TMTC2: variants seen among roughly 807,000 people sequenced by gnomAD.
The protein encoded by TMTC2 is transmembrane O-mannosyltransferase targeting cadherins 2.
TMTC2 carries 43 observed loss-of-function variants against 82.4 expected under a neutral mutation model. The ratio of observed to expected loss-of-function variants is 0.52; its 90% CI spans 0.41 to 0.67. TMTC2 has a LOEUF of 0.67. Ranked by LOEUF, TMTC2 falls within the 30% of genes least tolerant of loss-of-function variation. The pLI is 0.00. For synonymous variants in TMTC2, 408 were observed against 381.9 expected (o/e 1.07, Z -0.80); for missense variants, 919 against 1,012.4 (o/e 0.91, Z 1.25).
chr12:82,697,398 G>T (rs1157289751), intron 1 of TMTC2, among the ~76,000 whole-genome samples: 1 of 150,094 alleles, frequency 6.7e-6, no homozygotes, highest in African/African-American at 2.5e-5. Flanking sequence ...TTATTCCCAC[G>T]TACAGCAGAT....
At chr12:82,782,764 G>T in intron 1 of TMTC2, among the ~76,000 whole-genome samples, 1 of 152,142 alleles carries the variant, frequency 6.6e-6, no homozygotes, top group East Asian at 1.9e-4. Flanking sequence ...CAATGTGGAT[G>T]GCTATTTGTG....
intron 2 of TMTC2, among the ~76,000 whole-genome samples, chr12:82,860,123 G>A (rs11115462): frequency 0.013 from 2,033 of 152,090 alleles, 45 homozygotes; most frequent in African/African-American, 0.046. Context: ...ACAGGCATGC[G>A]TCACCAGGCC....
chr12:82,785,951 T>C (rs1408790468), intron 1 of TMTC2, among the ~76,000 whole-genome samples: 2 of 152,146 alleles, frequency 1.3e-5, no homozygotes, highest in Admixed American at 6.6e-5. Context: ...AAGACTACTT[T>C]GTTTTGTGTC....
intron 11 of TMTC2, among the ~76,000 whole-genome samples, chr12:83,122,580 C>T (rs1041385221): frequency 6.6e-6 from 1 of 152,150 alleles, no homozygotes; most frequent in Non-Finnish European, 1.5e-5. Flanking sequence ...CTCCCGTAAT[C>T]AAGATTTTCA....
intron 8 of TMTC2, among the ~76,000 whole-genome samples, chr12:83,000,238 A>C (rs1879857854): frequency 6.6e-6 from 1 of 151,966 alleles, no homozygotes; most frequent in South Asian, 2.1e-4. Context: ...TAGTTCAAGC[A>C]ATTCTCCTGC....
chr12:82,859,927 G>T (rs1446343570), intron 2 of TMTC2, among the ~76,000 whole-genome samples: 1 of 152,182 alleles, frequency 6.6e-6, no homozygotes, highest in Non-Finnish European at 1.5e-5. Context: ...TGGGGCCAAT[G>T]AGCTTAATAA....
rs1035077515 is a variant in TMTC2 at position 82,687,253 on chromosome 12, G to A, written c.-334G>A. On this transcript the variant is annotated 5_prime_UTR_variant, in exon 1 of 12. Transcript: ENST00000321196. ...CCTAGGACGCCCCAAACTGCCATGG[G>A]TTAGGGTGGGGATCGCGACCCGCGC... The A allele has an allele frequency of 2.0e-5, 8 of 407,402 alleles. No homozygotes were observed. Among genetic ancestry groups the A allele is most frequent in the Non-Finnish European group, 3.2e-5 (7 of 217,896 alleles). 25.2% of individuals were successfully genotyped at this position (407,402 alleles called of 1,614,324 possible).
At chr12:82,776,805 G>T (rs1221109566) in intron 1 of TMTC2, among the ~76,000 whole-genome samples, 1 of 151,996 alleles carries the variant, frequency 6.6e-6, no homozygotes, top group Non-Finnish European at 1.5e-5. Flanking sequence ...AGTGGTTGTG[G>T]CTCACACCTG....
chr12:82,948,932 T>C (rs1592650214), intron 4 of TMTC2, among the ~76,000 whole-genome samples: 1 of 152,330 alleles, frequency 6.6e-6, no homozygotes, highest in East Asian at 1.9e-4. Flanking sequence ...ACTTCCATAG[T>C]GTATCATACT....
chr12:82,719,719 A>G (rs997849014), intron 1 of TMTC2, among the ~76,000 whole-genome samples: 3 of 141,950 alleles, frequency 2.1e-5, no homozygotes, highest in African/African-American at 7.8e-5. Flanking sequence ...TAAAGAGCAC[A>G]GTTTTGGCCC....
intron 3 of TMTC2, among the ~76,000 whole-genome samples, chr12:82,921,889 G>C (rs770037616): frequency 7.3e-5 from 11 of 151,436 alleles, no homozygotes; most frequent in Non-Finnish European, 1.6e-4. Flanking sequence ...CTTGAGTTCA[G>C]GAGTTTTTGA....
intron 8 of TMTC2, among the ~76,000 whole-genome samples, chr12:83,004,368 G>A (rs1880059170): frequency 6.6e-6 from 1 of 152,062 alleles, no homozygotes; most frequent in Non-Finnish European, 1.5e-5. Flanking sequence ...TTTCTAAATT[G>A]TACATCTGTC....
chr12:82,889,811 GTTTA>G (rs2137169426), intron 2 of TMTC2, among the ~76,000 whole-genome samples: 1 of 152,064 alleles, frequency 6.6e-6, no homozygotes, highest in African/African-American at 2.4e-5. Flanking sequence ...ATTGTATGTA[GTTTA>G]TTTCTTTTAT....
chr12:82,821,236 T>G (rs1033253916), intron 1 of TMTC2, among the ~76,000 whole-genome samples: 1 of 152,176 alleles, frequency 6.6e-6, no homozygotes, highest in African/African-American at 2.4e-5. Flanking sequence ...TGTTGAAAAC[T>G]TTTTGAATCC....
intron 9 of TMTC2, among the ~76,000 whole-genome samples, chr12:83,046,961 C>G (rs1565867992): frequency 6.6e-6 from 1 of 152,122 alleles, no homozygotes; most frequent in Non-Finnish European, 1.5e-5. Flanking sequence ...CATAAGCAAT[C>G]CTAACATTGT....
intron 10 of TMTC2, among the ~76,000 whole-genome samples, chr12:83,061,441 G>A (rs151230774): frequency 6.6e-6 from 1 of 151,630 alleles, no homozygotes; most frequent in African/African-American, 2.4e-5. Flanking sequence ...TTTTTCTGGG[G>A]TATCATGTTG....
rs551824644 is a variant in TMTC2 at position 82,809,085 on chromosome 12, T to A, written c.84-47925T>A. Among the ~76,000 whole-genome samples the A allele has an allele frequency of 7.4e-5, 11 of 148,954 alleles. No individual in the cohort carries two copies. The South Asian group carries it at 1.9e-3, about 25-fold the overall frequency. On this transcript the variant is annotated intron_variant, in intron 1 of 11. Coordinates refer to ENST00000321196, the MANE Select transcript of TMTC2 (RefSeq NM_152588.3). ...TAAGATTCAGAAATTATTTATATAA[T>A]TTATATATTATTTATATATCTATAG...
intron 7 of TMTC2, among the ~76,000 whole-genome samples, chr12:82,970,063 C>T (rs1878381098): frequency 2.6e-5 from 4 of 152,118 alleles, no homozygotes; most frequent in South Asian, 4.2e-4. Flanking sequence ...CTTGAGAAAA[C>T]AGGTTAGATT....
chr12:82,978,922 G>A (rs1655612), intron 7 of TMTC2, among the ~76,000 whole-genome samples: 142,738 of 151,772 alleles, frequency 0.94, 67,144 homozygotes, highest in East Asian at 1. Flanking sequence ...TGACACATGT[G>A]TGGTTATATA....
Sources: allele counts gnomAD v4.1 joint callset (sites outside exome capture counted in the v4.1 genomes callset), GRCh38; gene constraint gnomAD v4.1.1; transcripts MANE v1.5; gene names NCBI Gene and HGNC (gene_info 2026-07-23, HGNC 2026-07-21).